Variants in TSGA10 observed in about 807,000 individuals in gnomAD.
TSGA10 encodes testis specific 10.
TSGA10 carries 43 observed loss-of-function variants against 96.6 expected under a neutral mutation model. That is an observed-to-expected ratio of 0.44 (90% CI 0.35 to 0.57). The LOEUF (loss-of-function observed/expected upper bound fraction) is 0.57. Ranked by LOEUF, TSGA10 falls within the 20% of genes least tolerant of loss-of-function variation. The probability of loss-of-function intolerance (pLI) is 0.01; values close to 1 mark genes in which losing one functional copy is unlikely to be tolerated. For synonymous variants in TSGA10, 229 were observed against 269.9 expected, an observed-to-expected ratio of 0.85 and a Z score of 1.48; for missense variants, 703 against 834.4, an observed-to-expected ratio of 0.84 and a Z score of 1.94.
rs2079898693 is a variant in TSGA10, at chr2:99,020,477, C to T, written c.1620G>A (p.Glu540=). The T allele has an allele frequency of 3.7e-6, 6 of 1,606,042 alleles. No individual in the cohort carries two copies. Among genetic ancestry groups the T allele is most frequent in the Non-Finnish European group, 5.1e-6 (6 of 1,174,062 alleles). ...VAKDQEIEMR[E]NELDSAHSEI... ...CAGAATGAGCAGAATCTAACTCATT[C>T]TCCCTCTGTTCAATAACAAGAAGAT... is the stretch of plus-strand genomic sequence containing the variant. Residue 540 remains glutamate (E), a synonymous_variant, in exon 18 of 21, where the codon GAG becomes GAA. Transcript: ENST00000393483.
rs370920297 is a variant in TSGA10, at chr2:99,020,305, G to A, written c.1792C>T (p.His598Tyr). ...ATTTTATTTTCTGCCAAACAAAGGTGTTCTTTAAGAAGCTGAATTTCAGAT... is the reference window on the plus strand; with the variant it reads ...ATTTTATTTTCTGCCAAACAAAGGTATTCTTTAAGAAGCTGAATTTCAGAT... ...KESEIQLLKE[H>Y]LCLAENKMAI... The change falls in exon 18 of 21, where the codon CAC becomes TAC. Residue 598 changes from histidine (H) to tyrosine (Y), a missense_variant. His to Tyr is a moderately conservative substitution (Grantham distance 83). Coordinates refer to ENST00000393483, the MANE Select transcript of TSGA10 (RefSeq NM_025244.4). 3.4e-5 allele frequency: 55 copies of A among 1,613,476 alleles called. No individual in the cohort carries two copies. Among genetic ancestry groups the A allele is most frequent in the Non-Finnish European group, 4.5e-5 (53 of 1,179,702 alleles).
At chr2:99,039,268 G>A (rs1282133169) in intron 16 of TSGA10, among the ~76,000 whole-genome samples, 3 of 126,964 alleles carry the variant, frequency 2.4e-5, no homozygotes, top group Non-Finnish European at 5.1e-5. Flanking sequence ...CAGAAGAAAA[G>A]AAATAACAAA....
In TSGA10 at chr2:99,154,875, CAGGCGGAGAGACT is replaced by C. The variant is rs1365287910; in HGVS notation, c.-816_-804del. 72 of 359,204 alleles carry C rather than the reference CAGGCGGAGAGACT, an allele frequency of 2.0e-4. 1 individual carries two copies. The highest frequency in any genetic ancestry group is 1.0e-3 in the South Asian group (51 of 50,328). 22.3% of individuals were successfully genotyped at this position (359,204 alleles called of 1,614,324 possible). A position where few individuals can be genotyped will look rare whatever the true frequency, so the allele number is the denominator to read the frequency against. ...GGGCTGCCGGGACCCCACGGCTCCG[CAGGCGGAGAGACT>C]AGGCGCGATCCCTGCGCGCCCCTCC... On this transcript the variant is annotated 5_prime_UTR_variant, in exon 1 of 21. Coordinates refer to ENST00000393483, the MANE Select transcript of TSGA10 (RefSeq NM_025244.4).
chr2:99,090,564 G>A (rs533430812), intron 10 of TSGA10, among the ~76,000 whole-genome samples: 97 of 152,172 alleles, frequency 6.4e-4, no homozygotes, highest in Non-Finnish European at 1.3e-3. Flanking sequence ...CAGTGAAATA[G>A]GTAGTATAAA....
chr2:99,127,950 A>C (rs1451320655), intron 1 of TSGA10, among the ~76,000 whole-genome samples: 1 of 152,240 alleles, frequency 6.6e-6, no homozygotes, highest in Non-Finnish European at 1.5e-5. Context: ...GAGATTTTTC[A>C]CTTTAGCATA....
chr2:99,040,136 C>T (rs2082049078), intron 16 of TSGA10, among the ~76,000 whole-genome samples: 1 of 152,098 alleles, frequency 6.6e-6, no homozygotes, highest in African/African-American at 2.4e-5. Context: ...TAATAAAAGC[C>T]ATCTATGACA....
rs367717510 is a variant in TSGA10 at position 99,073,076 on chromosome 2, T to C, written c.883-3A>G. ...TTCATGCCTGAAATGGTCTTTTCCT[T>C]GAAAAATAATATAAGTATTAAATAA... is the stretch of plus-strand genomic sequence containing the variant. On this transcript the variant is annotated splice_region_variant and splice_polypyrimidine_tract_variant and intron_variant, in intron 12 of 20. Coordinates refer to ENST00000393483, the MANE Select transcript of TSGA10 (RefSeq NM_025244.4). The C allele has an allele frequency of 1.9e-6, 3 of 1,568,152 alleles. No individual in the cohort carries two copies. Among genetic ancestry groups the C allele is most frequent in the Non-Finnish European group, 2.6e-6 (3 of 1,143,288 alleles).
At chr2:99,139,293 G>C (rs997851445) in intron 1 of TSGA10, among the ~76,000 whole-genome samples, 3 of 152,068 alleles carry the variant, frequency 2.0e-5, no homozygotes, top group African/African-American at 7.2e-5. Flanking sequence ...GGAAATCTGA[G>C]GAAGTTTCTG....
chr2:99,029,112 T>C (rs1174331980), intron 17 of TSGA10, among the ~76,000 whole-genome samples: 1 of 152,172 alleles, frequency 6.6e-6, no homozygotes, highest in African/African-American at 2.4e-5. Flanking sequence ...AAGTACCTTA[T>C]TCTAGTTTTA....
chr2:99,087,056 T>G (rs2088563292), intron 10 of TSGA10, among the ~76,000 whole-genome samples: 1 of 151,782 alleles, frequency 6.6e-6, no homozygotes, highest in Admixed American at 6.6e-5. Flanking sequence ...TACAAAAAAT[T>G]AGCCACGTGT....
intron 10 of TSGA10, among the ~76,000 whole-genome samples, chr2:99,083,891 G>T (rs2087879595): frequency 1.3e-5 from 2 of 152,134 alleles, no homozygotes. Context: ...CTTGAATGTG[G>T]TAGTAGTTAC....
At chr2:99,037,136 T>C (rs1418640689) in intron 16 of TSGA10, among the ~76,000 whole-genome samples, 2 of 152,208 alleles carry the variant, frequency 1.3e-5, no homozygotes, top group Non-Finnish European at 1.5e-5. Flanking sequence ...AACAGCGTTA[T>C]CAATCAATTG....
At chr2:99,023,839 CTTTCTT>C (rs980283220) in intron 17 of TSGA10, among the ~76,000 whole-genome samples, 11 of 150,468 alleles carry the variant, frequency 7.3e-5, no homozygotes, top group East Asian at 1.9e-4. Context: ...GATTCTCCAA[CTTTCTT>C]TTTCTTTTTC....
At position 99,071,788 on chromosome 2, in the gene TSGA10, T is replaced by C. The variant is rs762860107; in HGVS notation, c.1025A>G (p.Gln342Arg). The C allele has an allele frequency of 4.3e-6, 7 of 1,614,068 alleles. No homozygotes were observed. The highest frequency in any genetic ancestry group is 5.9e-6 in the Non-Finnish European group (7 of 1,179,928). The change falls in exon 14 of 21, where the codon CAG becomes CGG. Residue 342 changes from glutamine to arginine, a missense_variant. Around this residue, in one of 3 missense-constraint regions of TSGA10, gnomAD observed 585 missense variants for 656.8 expected, o/e 0.89. Transcript: ENST00000393483. ...QLDETNDELA[Q>R]IARERDILAH... ...CAAGATATCTCTTTCCCTGGCGATC[T>C]GGGCCAGCTCATCATTTGTCTCATC...
intron 4 of TSGA10, among the ~76,000 whole-genome samples, chr2:99,111,774 T>C (rs1434453677): frequency 6.6e-6 from 1 of 152,088 alleles, no homozygotes; most frequent in Non-Finnish European, 1.5e-5. Context: ...GAATAGACAA[T>C]TTTCAATGTT....
intron 1 of TSGA10, among the ~76,000 whole-genome samples, chr2:99,130,811 G>A (rs1397971977): frequency 6.6e-6 from 1 of 152,148 alleles, no homozygotes; most frequent in Non-Finnish European, 1.5e-5. Flanking sequence ...AAGGTGTAAG[G>A]AAGGGGTCTA....
chr2:99,048,583 A>C (rs1328687584), intron 16 of TSGA10, among the ~76,000 whole-genome samples: 1 of 152,226 alleles, frequency 6.6e-6, no homozygotes, highest in African/African-American at 2.4e-5. Context: ...AATTAACTCA[A>C]GATGGATTAA....
intron 20 of TSGA10, among the ~76,000 whole-genome samples, chr2:99,006,662 T>G (rs1482472521): frequency 6.6e-6 from 1 of 152,166 alleles, no homozygotes; most frequent in South Asian, 2.1e-4. Flanking sequence ...CTGGAGAGGA[T>G]GTGGAGAAAT....
intron 10 of TSGA10, among the ~76,000 whole-genome samples, chr2:99,089,798 C>G (rs2089066810): frequency 6.6e-6 from 1 of 152,102 alleles, no homozygotes; most frequent in Non-Finnish European, 1.5e-5. Flanking sequence ...CTAACCCTGC[C>G]CCACCTGAGG....
Sources: allele counts gnomAD v4.1 joint callset (sites outside exome capture counted in the v4.1 genomes callset), GRCh38; gene constraint gnomAD v4.1.1; regional missense constraint gnomAD v4.1.1; transcripts MANE v1.5; gene names NCBI Gene and HGNC (gene_info 2026-07-23, HGNC 2026-07-21).